Variants in OR2L13 observed in about 807,000 individuals in gnomAD.
OR2L13 encodes the protein olfactory receptor 2L13.
In OR2L13, 14 loss-of-function variants were observed where a neutral mutation model predicts 15.3. That is an observed-to-expected ratio of 0.91 (90% CI 0.60 to 1.43). The LOEUF (loss-of-function observed/expected upper bound fraction) is 1.43, where lower values mean the gene tolerates loss of function less well. OR2L13 is among the 40% of genes most tolerant of loss of function. OR2L13 has a pLI of 0.00. For synonymous variants in OR2L13, 152 were observed against 142.9 expected, an observed-to-expected ratio of 1.06 and a Z score of -0.45; for missense variants, 367 against 387.9, an observed-to-expected ratio of 0.95 and a Z score of 0.45.
chr1:248,047,490 G>T, the OR2L13 span, among the ~76,000 whole-genome samples: 1 of 152,110 alleles, frequency 6.6e-6, no homozygotes, highest in Non-Finnish European at 1.5e-5. Flanking sequence ...TTAAAAGAAG[G>T]ATGTTCTTCT....
chr1:248,098,130 T>A (rs1664775181), intron 1 of OR2L13, among the ~76,000 whole-genome samples: 3 of 152,342 alleles, frequency 2.0e-5, no homozygotes, highest in South Asian at 4.1e-4. Context: ...TTTAATCCAA[T>A]GATCTCTCTG....
chr1:248,069,084 G>T, the OR2L13 span, among the ~76,000 whole-genome samples: 1 of 152,152 alleles, frequency 6.6e-6, no homozygotes, highest in African/African-American at 2.4e-5. Flanking sequence ...CCCCAATCTA[G>T]CAAGGCAGGC....
chr1:248,099,673 AG>A lies in OR2L13; in HGVS notation c.299del (p.Ser100ThrfsTer5), dbSNP rs746042730. 6.2e-7 allele frequency: 1 copy of A among 1,613,966 alleles called. No homozygotes were observed. Among genetic ancestry groups the A allele is most frequent in the Non-Finnish European group, 8.5e-7 (1 of 1,179,988 alleles). On this transcript the variant is annotated frameshift_variant, in exon 3 of 3. Coordinates refer to ENST00000641714, the Ensembl canonical transcript of OR2L13. LOFTEE classifies it high-confidence loss of function. ...CTCCTTCCTGGGATGTGGTGTGCAA[AG>A]CTTCTTCTTCCTGACCATGGCGTGT...
the OR2L13 span, among the ~76,000 whole-genome samples, chr1:248,076,771 A>T: frequency 6.6e-6 from 1 of 152,218 alleles, no homozygotes; most frequent in Admixed American, 6.5e-5. Flanking sequence ...CTAAATATAC[A>T]TTCATGTTAT....
the OR2L13 span, among the ~76,000 whole-genome samples, chr1:247,994,042 C>A: frequency 6.6e-6 from 1 of 152,102 alleles, no homozygotes; most frequent in Admixed American, 6.5e-5. Context: ...TGGCATGGAG[C>A]TTTCCTAGGG....
the OR2L13 span, among the ~76,000 whole-genome samples, chr1:248,082,542 G>A: frequency 2.6e-4 from 39 of 152,142 alleles, no homozygotes; most frequent in South Asian, 7.5e-3. Flanking sequence ...TGTGTTTTAC[G>A]TACAGGAAAT....
chr1:248,039,170 A>T, the OR2L13 span: 4 of 1,611,844 alleles, frequency 2.5e-6, no homozygotes, highest in Non-Finnish European at 3.4e-6. Context: ...GGGCCCTGAC[A>T]CAAGTGATTC....
the OR2L13 span, among the ~76,000 whole-genome samples, chr1:248,031,129 A>C: frequency 2.6e-5 from 4 of 152,212 alleles, no homozygotes; most frequent in Non-Finnish European, 5.9e-5. Flanking sequence ...TACATAAGAA[A>C]AAAATGTCCT....
At chr1:248,003,219 T>C in the OR2L13 span, 9 of 1,525,418 alleles carry the variant, frequency 5.9e-6, no homozygotes, top group Non-Finnish European at 8.2e-6. Flanking sequence ...TTCATCCTCA[T>C]TGTTTTCATT....
the OR2L13 span, among the ~76,000 whole-genome samples, chr1:248,048,264 TCCTTTACA>T: frequency 1.3e-5 from 2 of 152,210 alleles, no homozygotes; most frequent in African/African-American, 4.8e-5. Flanking sequence ...TATTCTTTAC[TCCTTTACA>T]CCTTAAAGAG....
chr1:247,997,691 GTTTC>G, the OR2L13 span, among the ~76,000 whole-genome samples: 1 of 152,072 alleles, frequency 6.6e-6, no homozygotes, highest in Non-Finnish European at 1.5e-5. Context: ...AAATATATTT[GTTTC>G]TTTCTCCACT....
the OR2L13 span, among the ~76,000 whole-genome samples, chr1:248,034,978 T>C: frequency 6.6e-6 from 1 of 152,222 alleles, no homozygotes; most frequent in African/African-American, 2.4e-5. Context: ...TCTACACATA[T>C]AGTTATGTCA....
the OR2L13 span, among the ~76,000 whole-genome samples, chr1:247,967,062 C>T: frequency 3.3e-5 from 5 of 151,982 alleles, no homozygotes; most frequent in African/African-American, 1.2e-4. Flanking sequence ...CACACACACA[C>T]ACACGAGGTG....
At chr1:248,083,788 T>C in the OR2L13 span, 7 of 1,613,810 alleles carry the variant, frequency 4.3e-6, no homozygotes, top group South Asian at 7.7e-5. Flanking sequence ...GACACAACCT[T>C]GTCGTGGTTA....
At chr1:248,015,233 C>T in the OR2L13 span, among the ~76,000 whole-genome samples, 25 of 152,152 alleles carry the variant, frequency 1.6e-4, no homozygotes, top group Non-Finnish European at 3.5e-4. Context: ...GTTATTCCTA[C>T]GTCAGTTAAA....
At chr1:248,061,677 A>T in the OR2L13 span, 3 of 1,392,434 alleles carry the variant, frequency 2.2e-6, no homozygotes, top group Non-Finnish European at 2.9e-6. Flanking sequence ...AGCAGTGTAT[A>T]GTAATTAAAA....
the OR2L13 span, among the ~76,000 whole-genome samples, chr1:248,025,585 C>A: frequency 0.011 from 1,653 of 147,208 alleles, 31 homozygotes; most frequent in African/African-American, 0.041. Context: ...TTGACCCAGC[C>A]ATCCCATTAC....
the OR2L13 span, chr1:247,990,650 C>T: frequency 6.5e-7 from 1 of 1,530,874 alleles, no homozygotes; most frequent in Non-Finnish European, 9.0e-7. Context: ...ATTTGCTTTC[C>T]TCTCCACTAT....
chr1:247,984,840 T>A, the OR2L13 span, among the ~76,000 whole-genome samples: 1 of 151,784 alleles, frequency 6.6e-6, no homozygotes, highest in African/African-American at 2.4e-5. Flanking sequence ...CCAGAACAGT[T>A]TCATTGTCTC....
Sources: gnomAD v4.1 joint callset for allele counts (sites outside exome capture counted in the v4.1 genomes callset) on GRCh38, gnomAD v4.1.1 for gene constraint, MANE v1.5 for transcripts, NCBI Gene and HGNC (gene_info 2026-07-23, HGNC 2026-07-21) for gene names.